Variants in GABRB3 observed in about 807,000 individuals in gnomAD.
GABRB3 encodes the protein gamma-aminobutyric acid receptor subunit beta-3.
In GABRB3, 14 loss-of-function variants were observed where a neutral mutation model predicts 52.1. That is an observed-to-expected ratio of 0.27 (90% confidence interval 0.18 to 0.42). The LOEUF (loss-of-function observed/expected upper bound fraction) is 0.42, where lower values mean the gene tolerates loss of function less well. Among genes scored for constraint, GABRB3 ranks in the 10% least tolerant of loss-of-function variants. The probability of loss-of-function intolerance (pLI) is 1.00; values close to 1 mark genes in which losing one functional copy is unlikely to be tolerated. For synonymous variants in GABRB3, 260 were observed against 232.3 expected, an observed-to-expected ratio of 1.12 and a Z score of -1.08; for missense variants, 307 against 609.1, an observed-to-expected ratio of 0.50 and a Z score of 5.22.
intron 3 of GABRB3, among the ~76,000 whole-genome samples, chr15:26,706,887 C>A (rs1889119998): frequency 6.6e-6 from 1 of 152,154 alleles, no homozygotes; most frequent in Non-Finnish European, 1.5e-5. Flanking sequence ...TACCCTCAGT[C>A]CTTCTGTGAG....
At chr15:26,700,710 CCAATAGACATGGGAAAAA>C (rs1281823087) in intron 3 of GABRB3, among the ~76,000 whole-genome samples, 3 of 152,116 alleles carry the variant, frequency 2.0e-5, no homozygotes, top group Non-Finnish European at 4.4e-5. Flanking sequence ...TTGGTTGATC[CCAATAGACATGGGAAAAA>C]CATTTGACGA....
At chr15:26,629,358 C>T (rs573737626) in intron 3 of GABRB3, among the ~76,000 whole-genome samples, 8 of 152,176 alleles carry the variant, frequency 5.3e-5, no homozygotes, top group Admixed American at 5.2e-4. Context: ...CTGTGCGCGG[C>T]GCTGTGCGGC....
intron 3 of GABRB3, among the ~76,000 whole-genome samples, chr15:26,675,685 G>A (rs1015089321): frequency 6.6e-6 from 1 of 152,098 alleles, no homozygotes; most frequent in African/African-American, 2.4e-5. Context: ...AGCAGAATGT[G>A]TTTATGTTGG....
chr15:26,592,419 G>A (rs1024368055), intron 4 of GABRB3, among the ~76,000 whole-genome samples: 2 of 152,188 alleles, frequency 1.3e-5, no homozygotes, highest in African/African-American at 4.8e-5. Flanking sequence ...AATAGAAGAA[G>A]AGATGTTCTA....
rs371524450 is a variant in GABRB3, at chr15:26,760,809, G to GCGCACACA, written c.240+11592_240+11593insTGTGTGCG. ...AATGCCAACACACACACACGCGCAC[G>GCGCACACA]CACACACACACACACACAAGCAAAC... On this transcript the variant is annotated intron_variant, in intron 3 of 8. Coordinates refer to ENST00000311550, the MANE Select transcript of GABRB3 (RefSeq NM_000814.6). 2.3e-3 allele frequency among the ~76,000 whole-genome samples: 344 copies of GCGCACACA among 149,394 alleles called. 1 individual carries two copies. The highest frequency in any genetic ancestry group is 8.0e-3 in the African/African-American group (323 of 40,482).
intron 6 of GABRB3, among the ~76,000 whole-genome samples, chr15:26,577,922 G>A (rs1393287757): frequency 6.6e-6 from 1 of 152,130 alleles, no homozygotes; most frequent in Non-Finnish European, 1.5e-5. Context: ...GAATAGCTGG[G>A]ACCACAGATG....
chr15:26,693,708 A>C (rs1888653671), intron 3 of GABRB3, among the ~76,000 whole-genome samples: 1 of 152,240 alleles, frequency 6.6e-6, no homozygotes, highest in African/African-American at 2.4e-5. Flanking sequence ...AGAGAGAGAG[A>C]TAGATACAGA....
intron 4 of GABRB3, chr15:26,615,152 C>G (rs1314904260): frequency 2.8e-6 from 1 of 362,650 alleles, no homozygotes; most frequent in African/African-American, 2.2e-5. Context: ...GATGATAACT[C>G]TGCCTTTTTA....
chr15:26,615,832 G>A lies in GABRB3; in HGVS notation c.461+5482C>T, dbSNP rs1008655304. On this transcript the variant is annotated intron_variant, in intron 4 of 8. Transcript: ENST00000311550. ...TGAGAGCCAATCTCAGTGTCCAGGGGTGAGAGAAATTCAGTCTGAAGGTCT... is the reference window on the plus strand; with the variant it reads ...TGAGAGCCAATCTCAGTGTCCAGGGATGAGAGAAATTCAGTCTGAAGGTCT... The A allele has an allele frequency of 7.4e-6, 9 of 1,217,480 alleles. No individual in the cohort carries two copies. In the South Asian group the frequency reaches 1.3e-4, roughly 17 times the overall value. 75.4% of individuals were successfully genotyped at this position (1,217,480 alleles called of 1,614,324 possible). A position where few individuals can be genotyped will look rare whatever the true frequency, so the allele number is the denominator to read the frequency against.
At chr15:26,628,822 G>A (rs1008960334) in intron 3 of GABRB3, among the ~76,000 whole-genome samples, 2 of 152,218 alleles carry the variant, frequency 1.3e-5, no homozygotes, top group African/African-American at 4.8e-5. Flanking sequence ...GGGAGCCCTA[G>A]AGAGACGAAA....
At chr15:26,616,556 T>C (rs1055096074) in intron 4 of GABRB3, among the ~76,000 whole-genome samples, 1 of 151,198 alleles carries the variant, frequency 6.6e-6, no homozygotes, top group African/African-American at 2.4e-5. Context: ...GTTTCAAAAA[T>C]CTGATGCTCT....
intron 4 of GABRB3, chr15:26,611,764 T>C (rs1003104752): frequency 3.3e-5 from 5 of 152,166 alleles, no homozygotes; most frequent in African/African-American, 7.2e-5. Flanking sequence ...TAAAATGAGA[T>C]AGAAAATTGG....
intron 3 of GABRB3, among the ~76,000 whole-genome samples, chr15:26,648,400 A>T (rs1887080237): frequency 6.6e-6 from 1 of 152,210 alleles, no homozygotes; most frequent in African/African-American, 2.4e-5. Flanking sequence ...TGTGGGGCAA[A>T]CTAGGGAGAA....
chr15:26,616,057 G>A (rs1595484976), intron 4 of GABRB3: 1 of 1,289,180 alleles, frequency 7.8e-7, no homozygotes, highest in South Asian at 1.2e-5. Context: ...CAGGGCCATA[G>A]TACCTATTTA....
At chr15:26,629,154 G>T in intron 3 of GABRB3, 2 of 1,507,084 alleles carry the variant, frequency 1.3e-6, no homozygotes, top group Non-Finnish European at 1.8e-6. Flanking sequence ...CGCAGGGGCG[G>T]AGTGTGGGGA....
chr15:26,739,167 C>CT (rs1890139418), intron 3 of GABRB3, among the ~76,000 whole-genome samples: 2 of 152,066 alleles, frequency 1.3e-5, no homozygotes, highest in South Asian at 4.1e-4. Context: ...TAGGGCACCT[C>CT]TGTCCAGCCT....
intron 8 of GABRB3, among the ~76,000 whole-genome samples, chr15:26,554,041 T>TTTA (rs1567096776): frequency 0.024 from 1,463 of 62,028 alleles, 191 homozygotes; most frequent in African/African-American, 0.086. Context: ...ATATATTTAT[T>TTTA]TATTTATATT....
At chr15:26,766,965 C>T (rs1406374613) in intron 3 of GABRB3, among the ~76,000 whole-genome samples, 5 of 152,266 alleles carry the variant, frequency 3.3e-5, no homozygotes, top group South Asian at 2.1e-4. Context: ...GCTCTCTATA[C>T]CGTACGTTCT....
rs1595505978 is a variant in GABRB3 at position 26,645,560 on chromosome 15, C to A, written c.241-24026G>T. Among the ~76,000 whole-genome samples the A allele has an allele frequency of 2.0e-5, 3 of 152,156 alleles. No homozygotes were observed. The South Asian group carries it at 6.2e-4, about 31-fold the overall frequency. On this transcript the variant is annotated intron_variant, in intron 3 of 8. Coordinates refer to ENST00000311550, the MANE Select transcript of GABRB3 (RefSeq NM_000814.6). The stretch of plus-strand genomic sequence containing the variant: ...AACCCTAACTCAAGCCATTGGCACA[C>A]AGGCATTAGACAGAAAGCTGGAAGT...
Sources: allele counts gnomAD v4.1 joint callset (sites outside exome capture counted in the v4.1 genomes callset), GRCh38; gene constraint gnomAD v4.1.1; transcripts MANE v1.5; gene names NCBI Gene and HGNC (gene_info 2026-07-23, HGNC 2026-07-21).